Variants in ACBD6 observed in about 807,000 individuals in gnomAD.
ACBD6 encodes acyl-CoA binding domain containing 6.
ACBD6 carries 28 observed loss-of-function variants against 37.2 expected under a neutral mutation model. The observed-to-expected ratio is 0.75, with a 90% confidence interval of 0.56 to 1.03. ACBD6 has a LOEUF of 1.03. ACBD6 is among the 50% of genes least tolerant of loss of function. ACBD6 has a pLI of 0.00. For missense variants in ACBD6, 340 were observed against 337.4 expected (o/e 1.01, Z -0.06); for synonymous variants, 113 against 126.8 (o/e 0.89, Z 0.73).
downstream of ACBD6, chr1:180,287,096 T>C (rs904200405): frequency 2.0e-5 from 3 of 152,116 alleles, no homozygotes; most frequent in Non-Finnish European, 4.4e-5. Context: ...GGGAAAATGT[T>C]GGGAGCCAGT....
chr1:180,378,186 A>C (rs560861815), intron 6 of ACBD6, among the ~76,000 whole-genome samples: 75 of 152,298 alleles, frequency 4.9e-4, no homozygotes, highest in African/African-American at 1.7e-3. Context: ...TAAGAAGGGC[A>C]TATCACTTCT....
intron 3 of ACBD6, among the ~76,000 whole-genome samples, chr1:180,487,236 TTA>T (rs1182709017): frequency 6.6e-6 from 1 of 152,168 alleles, no homozygotes; most frequent in East Asian, 1.9e-4. Context: ...ATTTTGATCA[TTA>T]TAGTATACTT....
At chr1:180,468,395 A>G (rs921581358) in intron 3 of ACBD6, among the ~76,000 whole-genome samples, 1 of 152,214 alleles carries the variant, frequency 6.6e-6, no homozygotes, top group Non-Finnish European at 1.5e-5. Flanking sequence ...AAGGAGGCTA[A>G]GAAGGCCGCT....
chr1:180,289,549 T>TC (rs1649620102), intron 7 of ACBD6, among the ~76,000 whole-genome samples: 1 of 152,210 alleles, frequency 6.6e-6, no homozygotes, highest in Non-Finnish European at 1.5e-5. Context: ...AGGTTAAACC[T>TC]AAACACACAT....
At chr1:180,492,475 A>T in intron 2 of ACBD6, 110 bp from the exon 3 acceptor site, 1 of 841,734 alleles carries the variant, frequency 1.2e-6, no homozygotes, top group Non-Finnish European at 2.0e-6. Flanking sequence ...CTGAATATAG[A>T]GATAATAAGC....
chr1:180,274,485 C>A (rs755779045), intron 10 of ACBD6: 14 of 1,613,830 alleles, frequency 8.7e-6, no homozygotes, highest in Non-Finnish European at 1.2e-5. Context: ...GGGGGACCCA[C>A]CTCTGACATC....
intron 7 of ACBD6, among the ~76,000 whole-genome samples, chr1:180,299,898 T>TAA (rs943684251): frequency 6.6e-6 from 1 of 151,292 alleles, no homozygotes; most frequent in Non-Finnish European, 1.5e-5. Flanking sequence ...ATCTGAAGAT[T>TAA]AAAAAAAAAC....
intron 3 of ACBD6, among the ~76,000 whole-genome samples, chr1:180,461,580 T>TG (rs1472452806): frequency 6.6e-6 from 1 of 152,212 alleles, no homozygotes; most frequent in Non-Finnish European, 1.5e-5. Flanking sequence ...ATGGAAACCC[T>TG]GCAAGCCAGA....
chr1:180,485,197 A>G (rs1212050383), intron 3 of ACBD6, among the ~76,000 whole-genome samples: 1 of 152,130 alleles, frequency 6.6e-6, no homozygotes, highest in East Asian at 1.9e-4. Flanking sequence ...ATACCCTAGC[A>G]TCCAGACCTT....
intron 5 of ACBD6, among the ~76,000 whole-genome samples, chr1:180,402,741 G>A (rs986161572): frequency 6.6e-6 from 1 of 151,404 alleles, no homozygotes; most frequent in African/African-American, 2.4e-5. Flanking sequence ...TGGCTGCAGT[G>A]AGCCGTGATC....
chr1:180,295,580 T>G (rs1032526169), intron 7 of ACBD6, among the ~76,000 whole-genome samples: 1 of 152,188 alleles, frequency 6.6e-6, no homozygotes, highest in African/African-American at 2.4e-5. Context: ...GGTGCCATTT[T>G]CCCAACAGCA....
At chr1:180,298,634 CTAA>C (rs1458511574) in intron 7 of ACBD6, among the ~76,000 whole-genome samples, 1 of 152,108 alleles carries the variant, frequency 6.6e-6, no homozygotes, top group African/African-American at 2.4e-5. Context: ...CTACCTGAGG[CTAA>C]TAATAATTCC....
chr1:180,308,016 C>T (rs182033630), intron 7 of ACBD6, among the ~76,000 whole-genome samples: 22 of 152,258 alleles, frequency 1.4e-4, no homozygotes, highest in African/African-American at 5.3e-4. Context: ...TGTCTCTTTA[C>T]ATTTATCATT....
At chr1:180,413,580 CA>C in intron 4 of ACBD6, 109 bp from the exon 5 acceptor site, 2 of 841,440 alleles carry the variant, frequency 2.4e-6, no homozygotes, top group Non-Finnish European at 3.8e-6. Flanking sequence ...ACTCTGCTTA[CA>C]AAAAAATTTT....
intron 6 of ACBD6, among the ~76,000 whole-genome samples, chr1:180,338,834 G>C (rs1367163422): frequency 1.3e-5 from 2 of 152,004 alleles, no homozygotes; most frequent in Non-Finnish European, 2.9e-5. Context: ...AAATTTATAA[G>C]AAAAAAACAA....
intron 7 of ACBD6, among the ~76,000 whole-genome samples, chr1:180,300,120 A>G (rs1032249279): frequency 1.9e-4 from 29 of 152,202 alleles, no homozygotes; most frequent in African/African-American, 7.0e-4. Context: ...TGTCAACACA[A>G]GGACAGCTGT....
chr1:180,499,621 T>G (rs1298698037), intron 1 of ACBD6, among the ~76,000 whole-genome samples: 4 of 152,178 alleles, frequency 2.6e-5, no homozygotes, highest in Non-Finnish European at 5.9e-5. Flanking sequence ...CTAGGGAATT[T>G]GGGGAAAATT....
At chr1:180,272,609 T>C (rs942162215) in intron 13 of ACBD6, 2 of 152,536 alleles carry the variant, frequency 1.3e-5, no homozygotes, top group Non-Finnish European at 2.9e-5. Context: ...AAATTGTAAA[T>C]TACTGCATGT....
intron 9 of ACBD6, chr1:180,277,309 C>T (rs1363171023): frequency 2.0e-5 from 3 of 152,232 alleles, no homozygotes; most frequent in Non-Finnish European, 2.9e-5. Context: ...CTTAGAGGCA[C>T]TCCTCTGTTG....
Sources: allele counts gnomAD v4.1 joint callset (sites outside exome capture counted in the v4.1 genomes callset), GRCh38; gene constraint gnomAD v4.1.1; transcripts MANE v1.5; gene names NCBI Gene and HGNC (gene_info 2026-07-23, HGNC 2026-07-21).